ATP8B3: variants seen among roughly 807,000 people sequenced by gnomAD.
The protein encoded by ATP8B3 is phospholipid-transporting ATPase IK.
ATP8B3 carries 141 observed loss-of-function variants against 140.9 expected under a neutral mutation model. The ratio of observed to expected loss-of-function variants is 1.00; its 90% CI spans 0.87 to 1.15. The LOEUF is 1.15. ATP8B3 is among the 50% of genes most tolerant of loss of function. ATP8B3 has a pLI of 0.00. For synonymous variants in ATP8B3, 765 were observed against 714.6 expected, an observed-to-expected ratio of 1.07 and a Z score of -1.13; for missense variants, 1,874 against 1,740.6, an observed-to-expected ratio of 1.08 and a Z score of -1.36.
chr19:1,785,337 G>C, intron 26 of ATP8B3, 40 bp from the exon 27 acceptor site: 1 of 1,561,372 alleles, frequency 6.4e-7, no homozygotes, highest in Non-Finnish European at 8.7e-7. Flanking sequence ...GGCCTAGCGG[G>C]GCTTGCACCA....
Position 1,806,106 on chromosome 19 carries a change from G to C in ATP8B3, c.741C>G (p.Asn247Lys). 6.2e-7 allele frequency: 1 copy of C among 1,603,158 alleles called. No individual in the cohort carries two copies. Among genetic ancestry groups the C allele is most frequent in the East Asian group, 2.3e-5 (1 of 44,252 alleles). Residue 247 changes from asparagine (N) to lysine (K), a missense_variant, in exon 8 of 29, where the codon AAC becomes AAG. Asn to Lys is a moderately conservative substitution (Grantham distance 94). Transcript: ENST00000310127. The surrounding 1 kb of genome is among the most constrained non-coding windows in gnomAD (Gnocchi z 5.6). Reference sequence around the variant, plus strand: ...GTCAACCCCAGCTCACTGGGACGATGTTGTCCTTGCGGAGACAGACCACAT... The same window carrying C: ...GTCAACCCCAGCTCACTGGGACGATCTTGTCCTTGCGGAGACAGACCACAT... ...VGDVVCLRKDNIVPADMLLLA... is the reference protein window; with the variant it reads ...VGDVVCLRKDKIVPADMLLLA...
Position 1,792,084 on chromosome 19 carries a change from C to T in ATP8B3, c.2107G>A (p.Ala703Thr). Residue 703 changes from alanine (A) to threonine (T), a missense_variant, in exon 19 of 29, where the codon GCT becomes ACT. This residue lies in a region of ATP8B3 where 1,032 missense variants were observed against 963.6 expected (regional missense o/e 1.07). Coordinates refer to ENST00000310127, the MANE Select transcript of ATP8B3 (RefSeq NM_138813.4). Reference sequence around the variant, plus strand: ...TGCCAGTCCTCGTAAATGTCCTCAGCCACCTCCCTGTAGGCCAGGCACAGT... The same window carrying T: ...TGCCAGTCCTCGTAAATGTCCTCAGTCACCTCCCTGTAGGCCAGGCACAGT... ...RTLCLAYREV[A>T]EDIYEDWQQR... is the part of the protein sequence containing the mutation. The T allele has an allele frequency of 1.9e-6, 3 of 1,571,132 alleles. No homozygotes were observed. The highest frequency in any genetic ancestry group is 2.6e-6 in the Non-Finnish European group (3 of 1,161,216).
Position 1,796,105 on chromosome 19 carries a change from G to GTTGAAGTCCA in ATP8B3, c.1904_1913dup (p.Ser639GlyfsTer69). 1 of 1,612,992 alleles carries GTTGAAGTCCA rather than the reference G, an allele frequency of 6.2e-7. No homozygotes were observed. The highest frequency in any genetic ancestry group is 8.5e-7 in the Non-Finnish European group (1 of 1,179,846). On this transcript the variant is annotated frameshift_variant, in exon 17 of 29. Coordinates refer to ENST00000310127, the MANE Select transcript of ATP8B3 (RefSeq NM_138813.4). LOFTEE classifies it high-confidence loss of function. ...GCACCGACATCCGTTTGCGCGTGCT[G>GTTGAAGTCCA]TTGAAGTCCATTATGGCCAGGACCT... is the stretch of plus-strand genomic sequence containing the variant.
chr19:1,799,981 G>C lies in ATP8B3; in HGVS notation c.1518C>G (p.Thr506=), dbSNP rs752438214. The change falls in exon 14 of 29, where the codon ACC becomes ACG. Residue 506 remains threonine, a synonymous_variant. Transcript: ENST00000310127. The part of the protein sequence containing the change: ...KTGTLTQNIL[T]FNKCCISGRV... ...GGCCGCTGATGCAGCACTTGTTGAA[G>C]GTCAAGATGTTCTGCGTGAGCGTGC... 6 of 1,605,844 alleles carry C rather than the reference G, an allele frequency of 3.7e-6. No homozygotes were observed. In the South Asian group the frequency reaches 6.7e-5, roughly 18 times the overall value.
At chr19:1,808,915 G>A (rs987900899) in intron 4 of ATP8B3, among the ~76,000 whole-genome samples, 8 of 152,222 alleles carry the variant, frequency 5.3e-5, no homozygotes, top group African/African-American at 1.7e-4. Flanking sequence ...GCTCACCCCT[G>A]TAATCCCAGC....
intron 4 of ATP8B3, among the ~76,000 whole-genome samples, chr19:1,808,912 C>T (rs1284048431): frequency 6.6e-6 from 1 of 152,204 alleles, no homozygotes; most frequent in African/African-American, 2.4e-5. Flanking sequence ...GTGGCTCACC[C>T]CTGTAATCCC....
chr19:1,789,337 C>T (rs1435872779), intron 23 of ATP8B3, 24 bp downstream of exon 23: 1 of 1,484,022 alleles, frequency 6.7e-7, no homozygotes, highest in Non-Finnish European at 9.0e-7. Flanking sequence ...CCCAGGCACC[C>T]CCAGCCCCGC....
In ATP8B3 at chr19:1,783,078, G is replaced by C. The variant is rs141089151; in HGVS notation, c.3853C>G (p.Leu1285Val). 2.5e-6 allele frequency: 4 copies of C among 1,612,902 alleles called. No individual in the cohort carries two copies. Among genetic ancestry groups the C allele is most frequent in the South Asian group, 2.2e-5 (2 of 90,852 alleles). The change falls in exon 29 of 29, where the codon CTA becomes GTA. Residue 1285 changes from leucine to valine, a missense_variant. Around this residue, in one of 3 missense-constraint regions of ATP8B3, gnomAD observed 840 missense variants for 760.9 expected, o/e 1.10. Transcript: ENST00000310127. ...GVSSDIASESLDPSDEEAASS... is the reference protein window; with the variant it reads ...GVSSDIASESVDPSDEEAASS... ...GCTGCCTCTTCATCAGATGGGTCTA[G>C]GGATTCAGATGCTATGTCACTGCTG...
Position 1,796,247 on chromosome 19 carries a change from G to A in ATP8B3, c.1772C>T (p.Ala591Val), listed in dbSNP as rs373129652. The change falls in exon 17 of 29, where the codon GCG (alanine) becomes GTG (valine). Residue 591 changes from alanine (A) to valine (V), a missense_variant. By Grantham distance (64) the Ala-to-Val change is moderately conservative (BLOSUM62 0). This residue lies in a region of ATP8B3 where 1,032 missense variants were observed against 963.6 expected (regional missense o/e 1.07). Transcript: ENST00000310127. ...RERPDQLLYQ[A>V]ASPDEGALVT... ...CAGCGCCCCCTCGTCGGGGGAGGCC[G>A]CCTGGTACAACAGCTGGTCTGGTAG... The A allele has an allele frequency of 1.5e-5, 24 of 1,610,920 alleles. No homozygotes were observed. The highest frequency in any genetic ancestry group is 1.5e-4 in the African/African-American group (11 of 75,026).
Position 1,809,688 on chromosome 19 carries a change from C to G in ATP8B3, c.357G>C (p.Gln119His). Residue 119 changes from glutamine (Q) to histidine (H), a missense_variant, in exon 4 of 29, where the codon CAG becomes CAC. Physicochemically the swap from Gln to His is conservative, Grantham distance 24. Around this residue, in one of 3 missense-constraint regions of ATP8B3, gnomAD observed 1,032 missense variants for 963.6 expected, o/e 1.07. Coordinates refer to ENST00000310127, the MANE Select transcript of ATP8B3 (RefSeq NM_138813.4). The part of the protein sequence containing the change: ...VQANNRAYNG[Q>H]FKEKVILCWQ... ...AGCACAGGATCACCTTCTCCTTGAA[C>G]TGCCCGTTGTAGGCACGGTTGTTGG... is the stretch of plus-strand genomic sequence containing the variant. 1 of 1,611,718 alleles carries G rather than the reference C, an allele frequency of 6.2e-7. No individual in the cohort carries two copies. Among genetic ancestry groups the G allele is most frequent in the Non-Finnish European group, 8.5e-7 (1 of 1,179,236 alleles).
At chr19:1,788,323 A>G (rs1012935354) in intron 24 of ATP8B3, among the ~76,000 whole-genome samples, 2 of 152,158 alleles carry the variant, frequency 1.3e-5, no homozygotes, top group Non-Finnish European at 2.9e-5. Flanking sequence ...TCCCCAGAAG[A>G]GGAGGTCCAT....
Position 1,805,138 on chromosome 19 carries a change from G to C in ATP8B3, c.904+236C>G. 2.0e-6 allele frequency: 1 copy of C among 497,682 alleles called. No individual in the cohort carries two copies. The highest frequency in any genetic ancestry group is 2.0e-5 in the South Asian group (1 of 50,630). The allele number at this position is 497,682 out of a possible 1,614,324, so 30.8% of individuals were successfully genotyped here. ...CCACCGGCATGTGCCACCACGCCCAGCTACTTGTTTTATTTTTGTAGAGAT... is the reference window on the plus strand; with the variant it reads ...CCACCGGCATGTGCCACCACGCCCACCTACTTGTTTTATTTTTGTAGAGAT... On this transcript the variant is annotated intron_variant, in intron 10 of 28. Coordinates refer to ENST00000310127, the MANE Select transcript of ATP8B3 (RefSeq NM_138813.4). The surrounding 1 kb of genome is among the most constrained non-coding windows in gnomAD (Gnocchi z 5.2).
rs751784716 is a variant in ATP8B3 at position 1,784,942 on chromosome 19, G to C, written c.3537C>G (p.Ala1179=). 9.9e-6 allele frequency: 16 copies of C among 1,608,948 alleles called. No homozygotes were observed. The highest frequency in any genetic ancestry group is 1.4e-5 in the Non-Finnish European group (16 of 1,177,650). Residue 1179 remains alanine, a synonymous_variant, in exon 28 of 29, where the codon GCC becomes GCG. Transcript: ENST00000310127. ...AGGGAGAGGACATCACGCTGAGGTCGGCATCTGGGGACAGGGCGGGGTCAC... is the reference window on the plus strand; with the variant it reads ...AGGGAGAGGACATCACGCTGAGGTCCGCATCTGGGGACAGGGCGGGGTCAC... ...VSPTTFPFLY[A]DLSVMSSPSI...
Position 1,795,985 on chromosome 19 carries a change from G to T in ATP8B3, c.1945C>A (p.Arg649=). The T allele has an allele frequency of 6.2e-7, 1 of 1,613,120 alleles. No homozygotes were observed. The highest frequency in any genetic ancestry group is 8.5e-7 in the Non-Finnish European group (1 of 1,179,844). ...AGGCAGATGGCGCCCTCTGGCTTTCGAACTGTGGGGGAACAGGCCCTGCTG... is the reference window on the plus strand; with the variant it reads ...AGGCAGATGGCGCCCTCTGGCTTTCTAACTGTGGGGGAACAGGCCCTGCTG... ...STRKRMSVLV[R]KPEGAICLYT... Residue 649 remains arginine (R), a splice_region_variant and synonymous_variant, in exon 18 of 29, where the codon CGA becomes AGA. Coordinates refer to ENST00000310127, the MANE Select transcript of ATP8B3 (RefSeq NM_138813.4).
intron 4 of ATP8B3, among the ~76,000 whole-genome samples, chr19:1,808,970 C>T (rs1374755637): frequency 6.6e-6 from 1 of 152,048 alleles, no homozygotes; most frequent in Non-Finnish European, 1.5e-5. Flanking sequence ...GTCAGGAGTT[C>T]CAGACCAGCC....
chr19:1,801,676 C>T (rs944979703), intron 12 of ATP8B3, among the ~76,000 whole-genome samples: 1 of 152,034 alleles, frequency 6.6e-6, no homozygotes, highest in African/African-American at 2.4e-5. Flanking sequence ...TGCTTGAACC[C>T]GGGAGGCAGA....
Position 1,789,874 on chromosome 19 carries a change from C to T in ATP8B3, c.2478+16G>A. 3 of 1,610,624 alleles carry T rather than the reference C, an allele frequency of 1.9e-6. No individual in the cohort carries two copies. Among genetic ancestry groups the T allele is most frequent in the Non-Finnish European group, 2.5e-6 (3 of 1,178,490 alleles). Reference sequence around the variant, plus strand: ...CTGGCGCCGGGACCCCGCCGTCCACCCTGAGCGACACTGACCAGGAAGTCT... The same window carrying T: ...CTGGCGCCGGGACCCCGCCGTCCACTCTGAGCGACACTGACCAGGAAGTCT... On this transcript the variant is annotated intron_variant, in intron 22 of 28. Coordinates refer to ENST00000310127, the MANE Select transcript of ATP8B3 (RefSeq NM_138813.4).
At position 1,786,079 on chromosome 19, in the gene ATP8B3, C is replaced by T. The variant is rs369051412; in HGVS notation, c.3154-371G>A. Among the ~76,000 whole-genome samples the T allele has an allele frequency of 9.2e-4, 140 of 152,120 alleles. 4 individuals carry two copies. The South Asian group carries it at 0.021, about 23-fold the overall frequency. ...GCCCAGGAGTGGAGGCTGCAGTGAG[C>T]TGTGATCGCACCACTGCACTCCAGC... On this transcript the variant is annotated intron_variant, in intron 25 of 28. Coordinates refer to ENST00000310127, the MANE Select transcript of ATP8B3 (RefSeq NM_138813.4).
rs756973862 is a variant in ATP8B3 at position 1,806,147 on chromosome 19, C to T, written c.700G>A (p.Asp234Asn). ...CAGACCACATCCCCCACGCACAGAT[C>T]CTGCCATTTCTTCTGCTTGAAGCTG... ...GKSFKQKKWQ[D>N]LCVGDVVCLR... The change falls in exon 8 of 29, where the codon GAT becomes AAT. Residue 234 changes from aspartate (D) to asparagine (N), a missense_variant. By Grantham distance (23) the Asp-to-Asn change is conservative (BLOSUM62 1). Around this residue, in one of 3 missense-constraint regions of ATP8B3, gnomAD observed 1,032 missense variants for 963.6 expected, o/e 1.07. Coordinates refer to ENST00000310127, the MANE Select transcript of ATP8B3 (RefSeq NM_138813.4). The surrounding 1 kb of genome is among the most constrained non-coding windows in gnomAD (Gnocchi z 5.6). 9 of 1,599,098 alleles carry T rather than the reference C, an allele frequency of 5.6e-6. No homozygotes were observed. The South Asian group carries it at 1.0e-4, about 18-fold the overall frequency.
Sources: allele counts gnomAD v4.1 joint callset (sites outside exome capture counted in the v4.1 genomes callset), GRCh38; gene constraint gnomAD v4.1.1; regional missense constraint gnomAD v4.1.1; non-coding constraint Gnocchi (gnomAD v3.1); transcripts MANE v1.5; gene names NCBI Gene and HGNC (gene_info 2026-07-23, HGNC 2026-07-21).